PTPRD: variants seen among roughly 807,000 people sequenced by gnomAD.
PTPRD encodes protein tyrosine phosphatase receptor type D.
In PTPRD, 34 loss-of-function variants were observed where a neutral mutation model predicts 214.5. That is an observed-to-expected ratio of 0.16 (90% confidence interval 0.12 to 0.21). The LOEUF (loss-of-function observed/expected upper bound fraction) is 0.21, where lower values mean the gene tolerates loss of function less well. Among genes scored for constraint, PTPRD ranks in the 10% least tolerant of loss-of-function variants. PTPRD has a pLI of 1.00. For synonymous variants in PTPRD, 1,128 were observed against 845.7 expected (o/e 1.33, Z -5.79); for missense variants, 2,545 against 2,398.7 (o/e 1.06, Z -1.27).
intron 14 of PTPRD, among the ~76,000 whole-genome samples, chr9:8,580,110 T>C (rs370261131): frequency 2.6e-5 from 4 of 152,336 alleles, no homozygotes; most frequent in Admixed American, 6.5e-5. Flanking sequence ...TGTGTCATGA[T>C]AATGTCAGGT....
intron 2 of PTPRD, among the ~76,000 whole-genome samples, chr9:10,399,282 T>C (rs2154494868): frequency 6.6e-6 from 1 of 152,104 alleles, no homozygotes; most frequent in South Asian, 2.1e-4. Context: ...AGATATACTT[T>C]TTTGATTTCA....
intron 11 of PTPRD, among the ~76,000 whole-genome samples, chr9:8,750,492 C>G (rs758595544): frequency 1.3e-5 from 2 of 151,410 alleles, no homozygotes; most frequent in Non-Finnish European, 2.9e-5. Context: ...GGTAAGTGCT[C>G]GAAAGAAAAT....
At chr9:8,784,726 C>A (rs754919207) in intron 11 of PTPRD, among the ~76,000 whole-genome samples, 2 of 152,296 alleles carry the variant, frequency 1.3e-5, no homozygotes, top group East Asian at 3.9e-4. Context: ...GGACAAATTT[C>A]TCTACATCCA....
chr9:10,482,982 A>C (rs772110355), intron 2 of PTPRD, among the ~76,000 whole-genome samples: 1 of 152,218 alleles, frequency 6.6e-6, no homozygotes, highest in South Asian at 2.1e-4. Context: ...TAGCCAAGGC[A>C]ATCCTAAGCA....
At chr9:9,861,307 T>G (rs1399233028) in intron 5 of PTPRD, among the ~76,000 whole-genome samples, 2 of 152,206 alleles carry the variant, frequency 1.3e-5, no homozygotes, top group African/African-American at 4.8e-5. Flanking sequence ...CTTTTTGTTT[T>G]TGAGACAGAG....
chr9:9,991,198 T>C (rs1369742474), intron 4 of PTPRD, among the ~76,000 whole-genome samples: 1 of 152,054 alleles, frequency 6.6e-6, no homozygotes, highest in African/African-American at 2.4e-5. Flanking sequence ...CCTCCCAAAG[T>C]GCTGGTATTA....
At chr9:10,122,958 T>C (rs915670224) in intron 3 of PTPRD, among the ~76,000 whole-genome samples, 4 of 152,232 alleles carry the variant, frequency 2.6e-5, no homozygotes, top group Non-Finnish European at 5.9e-5. Flanking sequence ...AGAGCTGCCT[T>C]TAAGCGGCCC....
chr9:8,824,273 C>T (rs1007164410), intron 11 of PTPRD, among the ~76,000 whole-genome samples: 3 of 152,152 alleles, frequency 2.0e-5, no homozygotes, highest in South Asian at 4.1e-4. Context: ...GGTTAGCACA[C>T]CTTTGACATT....
intron 4 of PTPRD, among the ~76,000 whole-genome samples, chr9:10,009,631 A>T (rs901312264): frequency 6.6e-6 from 1 of 151,918 alleles, no homozygotes; most frequent in Non-Finnish European, 1.5e-5. Flanking sequence ...TCCTGTTGAG[A>T]TCTTTAAAAG....
chr9:9,888,156 C>T (rs2071687955), intron 5 of PTPRD, among the ~76,000 whole-genome samples: 1 of 152,158 alleles, frequency 6.6e-6, no homozygotes, highest in African/African-American at 2.4e-5. Flanking sequence ...ACTTTCCCAT[C>T]TTCCCACATA....
intron 8 of PTPRD, among the ~76,000 whole-genome samples, chr9:9,536,750 C>T (rs1373703208): frequency 1.3e-5 from 2 of 152,008 alleles, no homozygotes; most frequent in Non-Finnish European, 2.9e-5. Context: ...TGACAGAGCA[C>T]AGTGACATAT....
intron 5 of PTPRD, among the ~76,000 whole-genome samples, chr9:9,872,372 G>C (rs1195017491): frequency 2.0e-5 from 3 of 152,136 alleles, no homozygotes; most frequent in Non-Finnish European, 2.9e-5. Context: ...GGCCGAGGCA[G>C]GAGAATTGCT....
intron 12 of PTPRD, among the ~76,000 whole-genome samples, chr9:8,720,699 T>C (rs535249782): frequency 8.2e-4 from 125 of 152,094 alleles, no homozygotes; most frequent in African/African-American, 2.3e-3. Flanking sequence ...TTTTTTTTAA[T>C]TGAAATTAGA....
chr9:10,099,296 T>G (rs1397103624), intron 3 of PTPRD, among the ~76,000 whole-genome samples: 1 of 151,586 alleles, frequency 6.6e-6, no homozygotes, highest in African/African-American at 2.4e-5. Flanking sequence ...TATGATTCAG[T>G]TTTTTTCACC....
chr9:10,249,980 G>T (rs938114562), intron 3 of PTPRD, among the ~76,000 whole-genome samples: 1 of 152,142 alleles, frequency 6.6e-6, no homozygotes, highest in Non-Finnish European at 1.5e-5. Flanking sequence ...TGTTGATTTT[G>T]ATGTTAATGT....
intron 3 of PTPRD, among the ~76,000 whole-genome samples, chr9:10,085,501 G>T (rs1239404090): frequency 2.0e-5 from 3 of 151,790 alleles, no homozygotes; most frequent in Non-Finnish European, 4.4e-5. Flanking sequence ...ATCTTTTTGT[G>T]TTGAGAAATA....
chr9:10,230,438 A>ATCTG (rs1564666280), intron 3 of PTPRD, among the ~76,000 whole-genome samples: 1 of 100,768 alleles, frequency 9.9e-6, no homozygotes, highest in Non-Finnish European at 2.0e-5. Flanking sequence ...GTATCTATGT[A>ATCTG]TCTATCTATC....
In PTPRD at chr9:9,092,613, A is replaced by G. The variant is rs1569538638; in HGVS notation, c.-142-73878T>C. 4.6e-5 allele frequency among the ~76,000 whole-genome samples: 7 copies of G among 152,226 alleles called. No individual in the cohort carries two copies. In the South Asian group the frequency reaches 1.4e-3, roughly 32 times the overall value. On this transcript the variant is annotated intron_variant, in intron 10 of 45. Coordinates refer to ENST00000381196, the MANE Select transcript of PTPRD (RefSeq NM_002839.4). ...TTCTATTCACTTATAACACATGAAA[A>G]AGTTATGACTTGAAAATATGACTTG...
intron 35 of PTPRD, among the ~76,000 whole-genome samples, chr9:8,415,908 G>A (rs2093900072): frequency 6.6e-6 from 1 of 152,006 alleles, no homozygotes; most frequent in African/African-American, 2.4e-5. Flanking sequence ...GAAGCAAGTT[G>A]TAAAGTGACC....
Sources: gnomAD v4.1 joint callset for allele counts (sites outside exome capture counted in the v4.1 genomes callset) on GRCh38, gnomAD v4.1.1 for gene constraint, MANE v1.5 for transcripts, NCBI Gene and HGNC (gene_info 2026-07-23, HGNC 2026-07-21) for gene names.